Variants in GRID1 observed in about 807,000 individuals in gnomAD.
The protein encoded by GRID1 is glutamate ionotropic receptor delta type subunit 1.
Under a neutral mutation model 98.0 loss-of-function variants are expected in GRID1, and 28 were observed. That is an observed-to-expected ratio of 0.29 (90% CI 0.21 to 0.39). The LOEUF is 0.39. GRID1 is among the 10% of genes least tolerant of loss of function. GRID1 has a pLI of 1.00. For synonymous variants in GRID1, 553 were observed against 538.5 expected, an observed-to-expected ratio of 1.03 and a Z score of -0.37; for missense variants, 1,111 against 1,340.5, an observed-to-expected ratio of 0.83 and a Z score of 2.67.
At chr10:86,357,185 A>G (rs1848544259) in intron 2 of GRID1, among the ~76,000 whole-genome samples, 1 of 152,184 alleles carries the variant, frequency 6.6e-6, no homozygotes, top group Non-Finnish European at 1.5e-5. Context: ...TTCTTTCTCA[A>G]CCATGGCCAT....
chr10:85,989,854 T>C (rs1842658524), intron 4 of GRID1, among the ~76,000 whole-genome samples: 1 of 152,214 alleles, frequency 6.6e-6, no homozygotes, highest in African/African-American at 2.4e-5. Context: ...CCCAAGACGA[T>C]GGTATTAGGA....
chr10:85,729,450 G>A, intron 9 of GRID1, 63 bp downstream of exon 9: 2 of 907,630 alleles, frequency 2.2e-6, no homozygotes, highest in East Asian at 2.5e-5. Flanking sequence ...TAAACAGAAA[G>A]CAGCCTCTGA....
intron 6 of GRID1, among the ~76,000 whole-genome samples, chr10:85,866,134 C>T (rs1843219121): frequency 6.6e-6 from 1 of 150,410 alleles, no homozygotes; most frequent in African/African-American, 2.4e-5. Context: ...AAATACAAAG[C>T]CTCTCATCTC....
intron 4 of GRID1, among the ~76,000 whole-genome samples, chr10:86,030,720 G>A (rs1843174890): frequency 6.6e-6 from 1 of 152,188 alleles, no homozygotes; most frequent in African/African-American, 2.4e-5. Context: ...AATCATTTAG[G>A]CAGATAGTAA....
chr10:85,944,372 C>T (rs1031315665), intron 4 of GRID1, among the ~76,000 whole-genome samples: 3 of 152,022 alleles, frequency 2.0e-5, no homozygotes, highest in Non-Finnish European at 4.4e-5. Context: ...TTTAACCCCT[C>T]GAATTGACAA....
chr10:86,049,659 C>T (rs567445616), intron 4 of GRID1, among the ~76,000 whole-genome samples: 7 of 152,296 alleles, frequency 4.6e-5, no homozygotes, highest in African/African-American at 1.4e-4. Flanking sequence ...ATGCATTTTC[C>T]AGGGCACTAG....
At chr10:85,752,717 C>T (rs1842059480) in intron 8 of GRID1, among the ~76,000 whole-genome samples, 1 of 152,130 alleles carries the variant, frequency 6.6e-6, no homozygotes, top group Non-Finnish European at 1.5e-5. Context: ...CATAATATGG[C>T]TGACAAGGAG....
At chr10:86,300,762 C>T (rs1191706448) in intron 2 of GRID1, among the ~76,000 whole-genome samples, 3 of 152,054 alleles carry the variant, frequency 2.0e-5, no homozygotes, top group African/African-American at 4.8e-5. Flanking sequence ...ACTCCAAGCA[C>T]AGCATTTCCC....
chr10:85,982,211 T>G (rs996239173), intron 4 of GRID1, among the ~76,000 whole-genome samples: 2 of 150,684 alleles, frequency 1.3e-5, no homozygotes, highest in Non-Finnish European at 3.0e-5. Context: ...AAAAAAAAAT[T>G]GGGTAAACTA....
intron 4 of GRID1, among the ~76,000 whole-genome samples, chr10:86,132,563 T>G (rs562130542): frequency 6.6e-6 from 1 of 152,352 alleles, no homozygotes; most frequent in South Asian, 2.1e-4. Context: ...TAATTTAAAA[T>G]ATTCTGGTAA....
chr10:86,111,068 G>C (rs1844474266), intron 4 of GRID1, among the ~76,000 whole-genome samples: 1 of 152,192 alleles, frequency 6.6e-6, no homozygotes, highest in Admixed American at 6.5e-5. Flanking sequence ...GCTCCTCACT[G>C]CAAGTTTGTA....
chr10:86,001,131 C>T (rs138806106), intron 4 of GRID1, among the ~76,000 whole-genome samples: 1 of 152,250 alleles, frequency 6.6e-6, no homozygotes, highest in East Asian at 1.9e-4. Context: ...ATATTACAGT[C>T]TCAAAATGAT....
chr10:85,952,911 A>G (rs187669560), intron 4 of GRID1, among the ~76,000 whole-genome samples: 1 of 152,224 alleles, frequency 6.6e-6, no homozygotes, highest in Non-Finnish European at 1.5e-5. Flanking sequence ...CTCAATGTGA[A>G]GACAACAAGG....
At chr10:85,670,500 G>C (rs962031828) in intron 12 of GRID1, among the ~76,000 whole-genome samples, 1 of 152,180 alleles carries the variant, frequency 6.6e-6, no homozygotes, top group East Asian at 1.9e-4. Flanking sequence ...GGTCAGAAAT[G>C]ATATCAGAAG....
intron 12 of GRID1, among the ~76,000 whole-genome samples, chr10:85,702,432 G>A (rs949503061): frequency 3.3e-5 from 5 of 152,052 alleles, no homozygotes; most frequent in African/African-American, 1.2e-4. Context: ...CAGATGTGGA[G>A]TAATCATAAT....
chr10:86,232,193 G>GACAAT (rs1846465094), intron 2 of GRID1, among the ~76,000 whole-genome samples: 1 of 152,214 alleles, frequency 6.6e-6, no homozygotes, highest in Admixed American at 6.5e-5. Flanking sequence ...AAACTGGGAG[G>GACAAT]CCAGGGAGGG....
At chr10:85,970,803 A>G (rs1842398268) in intron 4 of GRID1, among the ~76,000 whole-genome samples, 1 of 152,100 alleles carries the variant, frequency 6.6e-6, no homozygotes, top group Non-Finnish European at 1.5e-5. Context: ...ACTTCTACTC[A>G]ATATTGTACT....
chr10:86,098,050 C>A (rs976503474), intron 4 of GRID1, among the ~76,000 whole-genome samples: 2 of 152,196 alleles, frequency 1.3e-5, no homozygotes, highest in African/African-American at 2.4e-5. Context: ...AAATACCACA[C>A]AAGATAAGTA....
chr10:85,810,589 A>C (rs1842662858), intron 8 of GRID1, among the ~76,000 whole-genome samples: 1 of 152,186 alleles, frequency 6.6e-6, no homozygotes, highest in South Asian at 2.1e-4. Flanking sequence ...CATTCCAGGC[A>C]GACCTGGCCT....
Sources: gnomAD v4.1 joint callset for allele counts (sites outside exome capture counted in the v4.1 genomes callset) on GRCh38, gnomAD v4.1.1 for gene constraint, MANE v1.5 for transcripts, NCBI Gene and HGNC (gene_info 2026-07-23, HGNC 2026-07-21) for gene names.